The following DLX2 variants were observed in gnomAD, a reference collection of about 807,000 sequenced individuals.
DLX2 encodes the protein homeobox protein DLX-2.
Under a neutral mutation model 27.4 loss-of-function variants are expected in DLX2, and 8 were observed. The ratio of observed to expected loss-of-function variants is 0.29; its 90% CI spans 0.17 to 0.53. The LOEUF (loss-of-function observed/expected upper bound fraction) is 0.53. DLX2 is among the 20% of genes least tolerant of loss of function. DLX2 has a pLI of 0.96. For synonymous variants in DLX2, 210 were observed against 200.8 expected (o/e 1.05, Z -0.39); for missense variants, 421 against 450.9 (o/e 0.93, Z 0.60).
rs200908537 is a variant in DLX2 at position 172,101,608 on chromosome 2, C to T, written c.439G>A (p.Gly147Arg). 84 of 1,614,100 alleles carry T rather than the reference C, an allele frequency of 5.2e-5. No individual in the cohort carries two copies. Among genetic ancestry groups the T allele is most frequent in the Non-Finnish European group, 4.6e-5 (54 of 1,180,040 alleles). Residue 147 changes from glycine to arginine, a missense_variant, in exon 2 of 3, where the codon GGG becomes AGG. This residue lies in a region of DLX2 where 141 missense variants were observed against 123.5 expected (regional missense o/e 1.14). Coordinates refer to ENST00000234198, the MANE Select transcript of DLX2 (RefSeq NM_004405.4). ...GGTTTCCGGACTTTCTTTGGCTTCC[C>T]GTTCACTATCCGAATTTCAGGCTCA... is the stretch of plus-strand genomic sequence containing the variant. ...DLEPEIRIVN[G>R]KPKKVRKPRT...
At chr2:172,101,714 G>T (rs1393129493) in intron 1 of DLX2, 68 bp from the exon 2 acceptor site, 8 of 1,501,724 alleles carry the variant, frequency 5.3e-6, no homozygotes, top group Non-Finnish European at 6.3e-6. Context: ...CTCCTAGAGG[G>T]CCCGGCGGGG....
rs1176923623 is a variant in DLX2 at position 172,100,581 on chromosome 2, C to G, written c.949G>C (p.Gly317Arg). The change falls in exon 3 of 3, where the codon GGC (glycine) becomes CGC (arginine). Residue 317 changes from glycine to arginine, a missense_variant. Gly to Arg is a moderately radical substitution (Grantham distance 125). Coordinates refer to ENST00000234198, the MANE Select transcript of DLX2 (RefSeq NM_004405.4). This position sits in a 1 kb window ranked among gnomAD's most constrained non-coding sequence, Gnocchi z 4.5. ...QPHHHHHHHG[G>R]GGAPVSAGTI... ...CCCGCGCTCACCGGGGCGCCCCCGCCGCCGTGATGGTGGTGGTGGTGATGC... is the reference window on the plus strand; with the variant it reads ...CCCGCGCTCACCGGGGCGCCCCCGCGGCCGTGATGGTGGTGGTGGTGATGC... 6.3e-7 allele frequency: 1 copy of G among 1,578,252 alleles called. No homozygotes were observed. Among genetic ancestry groups the G allele is most frequent in the African/African-American group, 1.4e-5 (1 of 71,132 alleles).
At position 172,102,250 on chromosome 2, in the gene DLX2, G is replaced by A; in HGVS notation, c.289C>T (p.Leu97Phe). ...MGSYQYQASG[L>F]NNVPYSAKSS... ...TTGGCGGAGTAAGGGACGTTGTTGA[G>A]GCCGCTGGCTTGGTACTGGTAGGAA... is the stretch of plus-strand genomic sequence containing the variant. Residue 97 changes from leucine to phenylalanine, a missense_variant, in exon 1 of 3, where the codon CTC becomes TTC. Coordinates refer to ENST00000234198, the MANE Select transcript of DLX2 (RefSeq NM_004405.4). 1.9e-6 allele frequency: 3 copies of A among 1,614,214 alleles called. No individual in the cohort carries two copies. In the Admixed American group the frequency reaches 5.0e-5, roughly 27 times the overall value.
chr2:172,100,792 C>T lies in DLX2; in HGVS notation c.738G>A (p.Pro246=), dbSNP rs750254226. 3 of 1,596,914 alleles carry T rather than the reference C, an allele frequency of 1.9e-6. No homozygotes were observed. The highest frequency in any genetic ancestry group is 2.6e-6 in the Non-Finnish European group (3 of 1,171,682). Residue 246 remains proline, a synonymous_variant, in exon 3 of 3, where the codon CCG becomes CCA. Coordinates refer to ENST00000234198, the MANE Select transcript of DLX2 (RefSeq NM_004405.4). The surrounding 1 kb of genome is among the most constrained non-coding windows in gnomAD (Gnocchi z 4.5). ...SAPASWDFGV[P]QRMAGGGGPG... ...GACCACCGCCGCCCGCCATCCGCTG[C>T]GGCACACCAAAGTCCCAGGAGGCCG...
At position 172,100,682 on chromosome 2, in the gene DLX2, T is replaced by A. The variant is rs571295299; in HGVS notation, c.848A>T (p.Tyr283Phe). The A allele has an allele frequency of 4.2e-5, 65 of 1,556,086 alleles. No individual in the cohort carries two copies. The South Asian group carries it at 7.7e-4, about 18-fold the overall frequency. Residue 283 changes from tyrosine (Y) to phenylalanine (F), a missense_variant, in exon 3 of 3, where the codon TAC (tyrosine) becomes TTC (phenylalanine). Transcript: ENST00000234198. This position sits in a 1 kb window ranked among gnomAD's most constrained non-coding sequence, Gnocchi z 4.5. Reference protein sequence around the residue: ...ASAFLGNYPWYHQTSGSASHL... With the variant: ...ASAFLGNYPWFHQTSGSASHL... ...TGAGGCGGATCCCGAGGTCTGGTGG[T>A]ACCAGGGGTAGTTGCCCAGAAAAGC...
In DLX2 at chr2:172,102,710, C is replaced by T. The variant is rs914972445; in HGVS notation, c.-172G>A. On this transcript the variant is annotated 5_prime_UTR_variant, in exon 1 of 3. Coordinates refer to ENST00000234198, the MANE Select transcript of DLX2 (RefSeq NM_004405.4). ...CTCCTCCTCCGGGGGAGGCGATCAC[C>T]GTGCGCTGCTCGGGACAGCTGCCTC... is the stretch of plus-strand genomic sequence containing the variant. The T allele has an allele frequency of 9.7e-5, 61 of 631,470 alleles. No individual in the cohort carries two copies. The highest frequency in any genetic ancestry group is 1.5e-4 in the Non-Finnish European group (56 of 378,204). 39.1% of individuals were successfully genotyped at this position (631,470 alleles called of 1,614,324 possible). A position where few individuals can be genotyped will look rare whatever the true frequency, so the allele number is the denominator to read the frequency against.
At chr2:172,102,109 C>A (rs370113638) in intron 1 of DLX2, 30 bp downstream of exon 1, 1 of 1,598,910 alleles carries the variant, frequency 6.3e-7, no homozygotes, top group African/African-American at 1.3e-5. Flanking sequence ...TAGACCGACT[C>A]GGCACTCTTG....
chr2:172,100,603 A>T lies in DLX2; in HGVS notation c.927T>A (p.His309Gln). 1.3e-6 allele frequency: 2 copies of T among 1,575,334 alleles called. No homozygotes were observed. Among genetic ancestry groups the T allele is most frequent in the Non-Finnish European group, 1.7e-6 (2 of 1,165,114 alleles). The change falls in exon 3 of 3, where the codon CAT (histidine) becomes CAA (glutamine). Residue 309 changes from histidine (H) to glutamine (Q), a missense_variant. Around this residue, in one of 5 missense-constraint regions of DLX2, gnomAD observed 185 missense variants for 171.1 expected, o/e 1.08. Transcript: ENST00000234198. This position sits in a 1 kb window ranked among gnomAD's most constrained non-coding sequence, Gnocchi z 4.5. The part of the protein sequence containing the change: ...LLHPTQTPQP[H>Q]HHHHHHGGGG... Reference sequence around the variant, plus strand: ...CGCCGCCGTGATGGTGGTGGTGGTGATGCGGCTGCGGGGTCTGAGTGGGGT... The same window carrying T: ...CGCCGCCGTGATGGTGGTGGTGGTGTTGCGGCTGCGGGGTCTGAGTGGGGT...
Position 172,100,023 on chromosome 2 carries a change from G to A in DLX2, c.*520C>T, listed in dbSNP as rs1691123567. The stretch of plus-strand genomic sequence containing the variant: ...GGGCTCCGAGGGCTGGGAACTGCAG[G>A]AAGGAAAGAAGCGGCGGGGCCGCCC... On this transcript the variant is annotated 3_prime_UTR_variant, in exon 3 of 3. Transcript: ENST00000234198. The surrounding 1 kb of genome is among the most constrained non-coding windows in gnomAD (Gnocchi z 4.5). 6.6e-6 allele frequency: 1 copy of A among 152,408 alleles called. No homozygotes were observed. The highest frequency in any genetic ancestry group is 6.5e-5 in the Admixed American group (1 of 15,278). The allele number at this position is 152,408 out of a possible 1,614,324, so 9.4% of individuals were successfully genotyped here.
In DLX2 at chr2:172,102,762, G is replaced by A; in HGVS notation, c.-224C>T. 2.7e-6 allele frequency: 1 copy of A among 370,584 alleles called. No individual in the cohort carries two copies. Among genetic ancestry groups the A allele is most frequent in the Non-Finnish European group, 4.7e-6 (1 of 211,092 alleles). The allele number at this position is 370,584 out of a possible 1,614,324, so 23.0% of individuals were successfully genotyped here. A position where few individuals can be genotyped will look rare whatever the true frequency, so the allele number is the denominator to read the frequency against. On this transcript the variant is annotated 5_prime_UTR_variant, in exon 1 of 3. Transcript: ENST00000234198. The stretch of plus-strand genomic sequence containing the variant: ...GGTCGCATCCTCTTTCGGCCTCTGG[G>A]CCCGCTCGGCTCCTTGCCCAGCGCG...
rs759167878 is a variant in DLX2, at chr2:172,101,451, G to T, written c.585+11C>A. ...CGCGCTCTCCTCGCCCCTGCAGGGCGCGAGCCCCACCTGAGTCTGGGTGAG... is the reference window on the plus strand; with the variant it reads ...CGCGCTCTCCTCGCCCCTGCAGGGCTCGAGCCCCACCTGAGTCTGGGTGAG... On this transcript the variant is annotated intron_variant, in intron 2 of 2. Transcript: ENST00000234198. 8.8e-6 allele frequency: 14 copies of T among 1,589,944 alleles called. No individual in the cohort carries two copies. Among genetic ancestry groups the T allele is most frequent in the Non-Finnish European group, 1.2e-5 (14 of 1,167,730 alleles).
intron 1 of DLX2, 44 bp from the exon 2 acceptor site, chr2:172,101,690 C>T: frequency 6.3e-7 from 1 of 1,591,474 alleles, no homozygotes; most frequent in Non-Finnish European, 8.6e-7. Context: ...CCCAGGGGTC[C>T]TGGAGTTCCC....
chr2:172,102,802 C>G lies in DLX2; in HGVS notation c.-264G>C, dbSNP rs1327541147. The G allele has an allele frequency of 2.9e-4, 26 of 91,020 alleles. No individual in the cohort carries two copies. The highest frequency in any genetic ancestry group is 7.4e-4 in the South Asian group (4 of 5,382). The allele number at this position is 91,020 out of a possible 1,614,324, so 5.6% of individuals were successfully genotyped here. On this transcript the variant is annotated 5_prime_UTR_variant, in exon 1 of 3. Transcript: ENST00000234198. ...TGCCCAGCGCGAGCGCGGGCTCTGG[C>G]GGGGGGCGGGCAGTGGAGGGGGCAG... is the stretch of plus-strand genomic sequence containing the variant.
chr2:172,101,998 GA>G, intron 1 of DLX2, 140 bp downstream of exon 1: 1 of 1,390,590 alleles, frequency 7.2e-7, no homozygotes, highest in Non-Finnish European at 9.6e-7. Context: ...GGAGGCTGGG[GA>G]GGGTAAAGGG....
Position 172,101,451 on chromosome 2 carries a change from G to A in DLX2, c.585+11C>T, listed in dbSNP as rs759167878. 6.3e-7 allele frequency: 1 copy of A among 1,590,060 alleles called. No individual in the cohort carries two copies. Among genetic ancestry groups the A allele is most frequent in the South Asian group, 1.1e-5 (1 of 88,830 alleles). ...CGCGCTCTCCTCGCCCCTGCAGGGC[G>A]CGAGCCCCACCTGAGTCTGGGTGAG... On this transcript the variant is annotated intron_variant, in intron 2 of 2. Transcript: ENST00000234198.
chr2:172,099,677 G>A lies in DLX2; in HGVS notation c.*866C>T, dbSNP rs113166282. 2 of 152,492 alleles carry A rather than the reference G, an allele frequency of 1.3e-5. No homozygotes were observed. Among genetic ancestry groups the A allele is most frequent in the Non-Finnish European group, 2.9e-5 (2 of 68,026 alleles). 9.4% of individuals were successfully genotyped at this position (152,492 alleles called of 1,614,324 possible). ...TAAACTGCAGTTTTCACAACTGGGG[G>A]TTTACAAAAAAGTCTGAAAAGATGA... On this transcript the variant is annotated 3_prime_UTR_variant, in exon 3 of 3. Transcript: ENST00000234198.
Position 172,100,310 on chromosome 2 carries a change from C to T in DLX2, c.*233G>A, listed in dbSNP as rs937944584. 29 of 447,660 alleles carry T rather than the reference C, an allele frequency of 6.5e-5. No homozygotes were observed. The highest frequency in any genetic ancestry group is 5.4e-4 in the East Asian group (15 of 27,802). 27.7% of individuals were successfully genotyped at this position (447,660 alleles called of 1,614,324 possible). A position where few individuals can be genotyped will look rare whatever the true frequency, so the allele number is the denominator to read the frequency against. On this transcript the variant is annotated 3_prime_UTR_variant, in exon 3 of 3. Transcript: ENST00000234198. This position sits in a 1 kb window ranked among gnomAD's most constrained non-coding sequence, Gnocchi z 4.5. ...AACAGCCGAGACCCGGGGCTCAGGT[C>T]AGAAATGCGGCCTTTTAGGGAGGCC...
In DLX2 at chr2:172,101,302, GC is replaced by G. The variant is rs1001472089; in HGVS notation, c.585+159del. 5.4e-5 allele frequency: 47 copies of G among 878,438 alleles called. No individual in the cohort carries two copies. In the African/African-American group the frequency reaches 7.6e-4, roughly 14 times the overall value. 54.4% of individuals were successfully genotyped at this position (878,438 alleles called of 1,614,324 possible). On this transcript the variant is annotated intron_variant, in intron 2 of 2. Transcript: ENST00000234198. Reference sequence around the variant, plus strand: ...CACGGCGGCCCCTTGGGGGTTTCCAGCTTTGGGCCTAGAAGCTTACTTAGGG... The same window carrying G: ...CACGGCGGCCCCTTGGGGGTTTCCAGTTTGGGCCTAGAAGCTTACTTAGGG...
rs917838482 is a variant in DLX2, at chr2:172,100,853, G to A, written c.677C>T (p.Ala226Val). 1 of 1,612,752 alleles carries A rather than the reference G, an allele frequency of 6.2e-7. No individual in the cohort carries two copies. The highest frequency in any genetic ancestry group is 1.1e-5 in the South Asian group (1 of 91,044). ...TGGCGGCGAAGCACAAGGTGGAGAA[G>A]CGCTGGCCCCAGGGTGCTGCTCCGA... ...IPSEQHPGAS[A>V]SPPCASPPVS... Residue 226 changes from alanine (A) to valine (V), a missense_variant, in exon 3 of 3, where the codon GCT (alanine) becomes GTT (valine). Transcript: ENST00000234198. The surrounding 1 kb of genome is among the most constrained non-coding windows in gnomAD (Gnocchi z 4.5).
Sources: gnomAD v4.1 joint callset for allele counts on GRCh38, gnomAD v4.1.1 for gene constraint, gnomAD v4.1.1 regional missense constraint, Gnocchi (gnomAD v3.1) non-coding constraint, MANE v1.5 for transcripts, NCBI Gene and HGNC (gene_info 2026-07-23, HGNC 2026-07-21) for gene names.